The following IKZF2 variants were observed in gnomAD, a reference collection of about 807,000 sequenced individuals.
IKZF2 encodes zinc finger protein Helios.
IKZF2 carries 15 observed loss-of-function variants against 49.2 expected under a neutral mutation model. The observed-to-expected ratio is 0.30, with a 90% CI of 0.20 to 0.47. IKZF2 has a LOEUF of 0.47. Among genes scored for constraint, IKZF2 ranks in the 20% least tolerant of loss-of-function variants. The pLI is 1.00. For missense variants in IKZF2, 567 were observed against 664.6 expected (o/e 0.85, Z 1.61); for synonymous variants, 227 against 221.4 (o/e 1.03, Z -0.23).
In IKZF2 at chr2:213,001,142, ATC is replaced by A. The variant is rs1376865859; in HGVS notation, c.*6216_*6217del. On this transcript the variant is annotated 3_prime_UTR_variant, in exon 9 of 9. Transcript: ENST00000434687. ...ACTTGTACAGAAAGAAAAGAATAGT[ATC>A]TTTTTAACTAATAGCAGAAGCAATC... 1 of 152,008 alleles carries A rather than the reference ATC, an allele frequency of 6.6e-6. No homozygotes were observed. The highest frequency in any genetic ancestry group is 1.5e-5 in the Non-Finnish European group (1 of 67,604). The allele number at this position is 152,008 out of a possible 1,614,324, so 9.4% of individuals were successfully genotyped here.
intron 4 of IKZF2, among the ~76,000 whole-genome samples, chr2:213,146,916 T>C (rs1187643979): frequency 6.6e-6 from 1 of 152,044 alleles, no homozygotes; most frequent in Non-Finnish European, 1.5e-5. Flanking sequence ...GATTTCAAAT[T>C]ACTTTTGAGT....
At chr2:213,147,407 C>CA in intron 4 of IKZF2, 1 of 538,966 alleles carries the variant, frequency 1.9e-6, no homozygotes. Flanking sequence ...CCAACAACAA[C>CA]AAAAAATCCA....
In IKZF2 at chr2:213,148,618, C is replaced by A. The variant is rs779917276; in HGVS notation, c.12G>T (p.Glu4Asp). The change falls in exon 3 of 9, where the codon GAG becomes GAT. Residue 4 changes from glutamate (E) to aspartate (D), a missense_variant. Glu to Asp is a conservative substitution (Grantham distance 45). Around this residue, in one of 5 missense-constraint regions of IKZF2, gnomAD observed 156 missense variants for 138.5 expected, o/e 1.13. Transcript: ENST00000434687. ...TACACGTTATATAGCCATCAATAGC[C>A]TCTGTTTCCATAGTCAAAGTGCAAT... MET[E>D]AIDGYITCDN... 1 of 1,612,262 alleles carries A rather than the reference C, an allele frequency of 6.2e-7. No individual in the cohort carries two copies. The highest frequency in any genetic ancestry group is 8.5e-7 in the Non-Finnish European group (1 of 1,178,524).
chr2:213,133,648 C>T (rs112047712), intron 4 of IKZF2, among the ~76,000 whole-genome samples: 5 of 151,100 alleles, frequency 3.3e-5, no homozygotes, highest in African/African-American at 7.3e-5. Context: ...GCAGTGGAGC[C>T]GAGATCGCAC....
chr2:213,021,084 A>C (rs968342323), intron 7 of IKZF2, among the ~76,000 whole-genome samples: 1 of 152,082 alleles, frequency 6.6e-6, no homozygotes, highest in Non-Finnish European at 1.5e-5. Context: ...CTGGTGGTAC[A>C]TGCCTGTAAT....
At chr2:213,128,802 TTC>T (rs1405464397) in intron 4 of IKZF2, among the ~76,000 whole-genome samples, 17 of 122,536 alleles carry the variant, frequency 1.4e-4, no homozygotes, top group African/African-American at 3.8e-4. Context: ...TAATTTTTTT[TTC>T]TTTTTTTTTT....
chr2:213,024,348 T>C (rs1297225104), intron 6 of IKZF2, among the ~76,000 whole-genome samples: 3 of 152,168 alleles, frequency 2.0e-5, no homozygotes, highest in African/African-American at 7.2e-5. Context: ...CAGACTACTA[T>C]GTACCAATGC....
chr2:213,132,157 C>CT (rs2060494530), intron 4 of IKZF2, among the ~76,000 whole-genome samples: 1 of 152,070 alleles, frequency 6.6e-6, no homozygotes, highest in Non-Finnish European at 1.5e-5. Context: ...CTATCCCAGT[C>CT]GGTTAGGTGC....
At chr2:213,056,212 T>C (rs182187308) in intron 5 of IKZF2, among the ~76,000 whole-genome samples, 8 of 151,386 alleles carry the variant, frequency 5.3e-5, no homozygotes, top group African/African-American at 7.3e-5. Flanking sequence ...TTCCTCACTC[T>C]ATCCCAGAAT....
chr2:213,100,932 C>T (rs1028635360), intron 4 of IKZF2, among the ~76,000 whole-genome samples: 35 of 151,750 alleles, frequency 2.3e-4, no homozygotes, highest in Admixed American at 1.3e-3. Flanking sequence ...ATGATTTCAA[C>T]GTAATGTTTT....
intron 6 of IKZF2, among the ~76,000 whole-genome samples, chr2:213,029,094 C>T (rs1698129785): frequency 6.6e-6 from 1 of 152,004 alleles, no homozygotes; most frequent in Non-Finnish European, 1.5e-5. Flanking sequence ...ACTTTTGCAT[C>T]TGCATCATGA....
chr2:213,097,637 C>T (rs1355608296), intron 4 of IKZF2, among the ~76,000 whole-genome samples: 1 of 152,024 alleles, frequency 6.6e-6, no homozygotes, highest in Non-Finnish European at 1.5e-5. Context: ...TCTTTAAGAA[C>T]TGATTTCATC....
chr2:213,063,850 T>C (rs1000482610), intron 4 of IKZF2, among the ~76,000 whole-genome samples: 3 of 152,014 alleles, frequency 2.0e-5, no homozygotes, highest in African/African-American at 7.2e-5. Flanking sequence ...CAAAAATCAG[T>C]CATAGGCAAA....
rs537355302 is a variant in IKZF2 at position 213,026,876 on chromosome 2, T to C, written c.575-4746A>G. On this transcript the variant is annotated intron_variant, in intron 6 of 8. Transcript: ENST00000434687. ...CACTTTCTCCCAGATTCTAGATTTATGGTAATGCTGAATTATTCAGTTTGC... is the reference window on the plus strand; with the variant it reads ...CACTTTCTCCCAGATTCTAGATTTACGGTAATGCTGAATTATTCAGTTTGC... Among the ~76,000 whole-genome samples, 276 of 152,280 alleles carry C rather than the reference T, an allele frequency of 1.8e-3. 2 individuals carry two copies. Among genetic ancestry groups the C allele is most frequent in the African/African-American group, 6.4e-3 (268 of 41,578 alleles).
chr2:213,021,751 T>C (rs544537885), intron 7 of IKZF2: 16 of 565,626 alleles, frequency 2.8e-5, no homozygotes, highest in Admixed American at 2.7e-4. Context: ...GAAGAGTAAA[T>C]AGTACCTTCC....
intron 4 of IKZF2, among the ~76,000 whole-genome samples, chr2:213,073,137 G>A (rs1702891002): frequency 6.6e-6 from 1 of 152,078 alleles, no homozygotes. Flanking sequence ...CATATTCTTT[G>A]TGATTTGGGG....
At chr2:213,102,255 C>G (rs1054156555) in intron 4 of IKZF2, among the ~76,000 whole-genome samples, 1 of 152,076 alleles carries the variant, frequency 6.6e-6, no homozygotes, top group African/African-American at 2.4e-5. Flanking sequence ...AAAACCAAGG[C>G]GTGGTGCTGT....
Position 213,000,399 on chromosome 2 carries a change from G to A in IKZF2, c.*6961C>T, listed in dbSNP as rs1694791179. 6.6e-6 allele frequency: 1 copy of A among 150,508 alleles called. No homozygotes were observed. The highest frequency in any genetic ancestry group is 2.4e-5 in the African/African-American group (1 of 40,982). The allele number at this position is 150,508 out of a possible 1,614,324, so 9.3% of individuals were successfully genotyped here. On this transcript the variant is annotated 3_prime_UTR_variant, in exon 9 of 9. Transcript: ENST00000434687. ...CACAAAATACCCTAGAAACTGTCAA[G>A]CAATTAGTCTTTAAAATAGTCTAAT...
intron 6 of IKZF2, among the ~76,000 whole-genome samples, chr2:213,036,389 G>T (rs1234367526): frequency 6.6e-6 from 1 of 152,022 alleles, no homozygotes; most frequent in Non-Finnish European, 1.5e-5. Flanking sequence ...CACAAAATAA[G>T]AACTTATTAA....
Sources: gnomAD v4.1 joint callset for allele counts (sites outside exome capture counted in the v4.1 genomes callset) on GRCh38, gnomAD v4.1.1 for gene constraint, gnomAD v4.1.1 regional missense constraint, MANE v1.5 for transcripts, NCBI Gene and HGNC (gene_info 2026-07-23, HGNC 2026-07-21) for gene names.